The following MEIKIN variants were observed in gnomAD, a reference collection of about 807,000 sequenced individuals.
MEIKIN encodes the protein meiotic kinetochore factor.
chr5:131,891,027 T>C (rs988970434), intron 8 of MEIKIN, among the ~76,000 whole-genome samples: 1 of 152,234 alleles, frequency 6.6e-6, no homozygotes, highest in Non-Finnish European at 1.5e-5. Context: ...TTGAGCGGTT[T>C]TGAGTGAGTT....
rs766118125 is a variant in MEIKIN at position 131,941,448 on chromosome 5, C to T, written c.349+1187G>A. On this transcript the variant is annotated intron_variant, in intron 4 of 12. Coordinates refer to ENST00000442687, the MANE Select transcript of MEIKIN (RefSeq NM_001303622.2). ...TGCTGGGATTATAGGCGTGAGCCAC[C>T]GTGCCTGGCCCAAGATCTCTTCTAT... Among the ~76,000 whole-genome samples the T allele has an allele frequency of 3.4e-4, 43 of 126,252 alleles. No individual in the cohort carries two copies. The Middle Eastern group carries it at 0.026, about 77-fold the overall frequency. The allele number at this position is 126,252 out of a possible 152,430, so 82.8% of individuals were successfully genotyped here.
In MEIKIN at chr5:131,871,361, A is replaced by C. The variant is rs562698498; in HGVS notation, c.774+7617T>G. Among the ~76,000 whole-genome samples the C allele has an allele frequency of 1.1e-3, 161 of 152,352 alleles. 1 individual carries two copies. Among genetic ancestry groups the C allele is most frequent in the African/African-American group, 3.6e-3 (151 of 41,596 alleles). On this transcript the variant is annotated intron_variant, in intron 9 of 12. Transcript: ENST00000442687. ...CACACCAGGAGATTATATCCCGCACATGGCTCAGAGGGTCCTACGCCCAGA... is the reference window on the plus strand; with the variant it reads ...CACACCAGGAGATTATATCCCGCACCTGGCTCAGAGGGTCCTACGCCCAGA...
chr5:131,836,487 T>C (rs528962664), intron 11 of MEIKIN, among the ~76,000 whole-genome samples: 2 of 152,350 alleles, frequency 1.3e-5, no homozygotes, highest in South Asian at 4.1e-4. Flanking sequence ...CTTTCCACAA[T>C]GGTTGAACTA....
intron 9 of MEIKIN, among the ~76,000 whole-genome samples, chr5:131,861,155 C>T (rs1004707474): frequency 6.6e-6 from 1 of 151,910 alleles, no homozygotes; most frequent in Non-Finnish European, 1.5e-5. Context: ...CTTTGGGAGG[C>T]CGAAGTGGGC....
chr5:131,920,669 G>C (rs1205634339), intron 6 of MEIKIN, among the ~76,000 whole-genome samples: 3 of 151,756 alleles, frequency 2.0e-5, no homozygotes, highest in South Asian at 2.1e-4. Context: ...CATTTCTGTG[G>C]TATTCTTACC....
intron 12 of MEIKIN, among the ~76,000 whole-genome samples, chr5:131,817,764 T>TA (rs1773129468): frequency 6.6e-6 from 1 of 152,156 alleles, no homozygotes; most frequent in South Asian, 2.1e-4. Context: ...TCTATAGACT[T>TA]AGAGAATGCT....
chr5:131,942,897 A>T (rs559525280), intron 3 of MEIKIN, among the ~76,000 whole-genome samples: 3 of 152,238 alleles, frequency 2.0e-5, no homozygotes, highest in Middle Eastern at 3.4e-3. Context: ...AAAATATAAT[A>T]CTATGAACAT....
chr5:131,871,723 A>G (rs1176939351), intron 9 of MEIKIN, among the ~76,000 whole-genome samples: 2 of 152,340 alleles, frequency 1.3e-5, no homozygotes, highest in African/African-American at 4.8e-5. Flanking sequence ...CTGACCTCCG[A>G]GTAGCCTAAC....
intron 9 of MEIKIN, among the ~76,000 whole-genome samples, chr5:131,869,854 T>C (rs1750454618): frequency 6.6e-6 from 1 of 152,240 alleles, no homozygotes; most frequent in South Asian, 2.1e-4. Context: ...GTTTCTGTTT[T>C]GGTAAGTTGT....
Position 131,896,628 on chromosome 5 carries a change from T to C in MEIKIN, c.703+15187A>G, listed in dbSNP as rs113419979. Among the ~76,000 whole-genome samples the C allele has an allele frequency of 6.3e-3, 956 of 152,310 alleles. 7 individuals carry two copies. Among genetic ancestry groups the C allele is most frequent in the African/African-American group, 0.022 (906 of 41,566 alleles). ...TCTTGTTGAATTGATCCCTTTACCA[T>C]TATGTAATGGCCTTCTTTGTGTCTT... On this transcript the variant is annotated intron_variant, in intron 8 of 12. Coordinates refer to ENST00000442687, the MANE Select transcript of MEIKIN (RefSeq NM_001303622.2).
intron 8 of MEIKIN, among the ~76,000 whole-genome samples, chr5:131,891,239 G>A (rs1488272925): frequency 6.6e-6 from 1 of 152,136 alleles, no homozygotes; most frequent in Non-Finnish European, 1.5e-5. Flanking sequence ...AGGTGCGCTT[G>A]GTGCATAGCT....
At chr5:131,872,763 C>A (rs1750529355) in intron 9 of MEIKIN, among the ~76,000 whole-genome samples, 1 of 152,146 alleles carries the variant, frequency 6.6e-6, no homozygotes, top group African/African-American at 2.4e-5. Flanking sequence ...GTTGGGTTAC[C>A]CACAAAGGGA....
At chr5:131,850,153 A>T (rs1315154290) in intron 11 of MEIKIN, among the ~76,000 whole-genome samples, 1 of 152,144 alleles carries the variant, frequency 6.6e-6, no homozygotes, top group Non-Finnish European at 1.5e-5. Flanking sequence ...CACAATAAAA[A>T]CTATAAAACA....
intron 11 of MEIKIN, among the ~76,000 whole-genome samples, chr5:131,824,594 C>A (rs374708280): frequency 6.6e-6 from 1 of 151,986 alleles, no homozygotes; most frequent in Non-Finnish European, 1.5e-5. Flanking sequence ...ACCAGAATTT[C>A]TTGAAATGAA....
intron 10 of MEIKIN, among the ~76,000 whole-genome samples, chr5:131,852,252 G>C (rs1304081157): frequency 6.6e-6 from 1 of 152,006 alleles, no homozygotes; most frequent in Non-Finnish European, 1.5e-5. Context: ...TAGTGAGTGA[G>C]TTTTCCCGAG....
intron 9 of MEIKIN, among the ~76,000 whole-genome samples, chr5:131,857,523 T>TG (rs1044544779): frequency 1.3e-5 from 2 of 152,140 alleles, no homozygotes; most frequent in African/African-American, 4.8e-5. Flanking sequence ...CAGCCTCTCC[T>TG]GGGGCCCCAG....
chr5:131,869,106 T>C (rs971627983), intron 9 of MEIKIN, among the ~76,000 whole-genome samples: 11 of 152,236 alleles, frequency 7.2e-5, no homozygotes, highest in Non-Finnish European at 1.6e-4. Context: ...AGGTTTACAG[T>C]TTTGCATTTT....
Position 131,860,622 on chromosome 5 carries a change from T to A in MEIKIN, c.775-5788A>T, listed in dbSNP as rs573231197. ...ACCATGCCAGGATAATTTTTTTTTT[T>A]ATTTTTAGTAGAGACGGGGTTTCAC... On this transcript the variant is annotated intron_variant, in intron 9 of 12. Coordinates refer to ENST00000442687, the MANE Select transcript of MEIKIN (RefSeq NM_001303622.2). Among the ~76,000 whole-genome samples, 3 of 151,868 alleles carry A rather than the reference T, an allele frequency of 2.0e-5. No individual in the cohort carries two copies. The South Asian group carries it at 6.2e-4, about 32-fold the overall frequency.
chr5:131,854,341 G>A (rs1201650180), intron 10 of MEIKIN, among the ~76,000 whole-genome samples: 2 of 152,122 alleles, frequency 1.3e-5, no homozygotes, highest in African/African-American at 2.4e-5. Flanking sequence ...GGGTAGGGAG[G>A]AGCAGGAAGT....
Sources: allele counts gnomAD v4.1 joint callset (sites outside exome capture counted in the v4.1 genomes callset), GRCh38; gene constraint gnomAD v4.1.1; transcripts MANE v1.5; gene names NCBI Gene and HGNC (gene_info 2026-07-23, HGNC 2026-07-21).